CFAP61: variants seen among roughly 807,000 people sequenced by gnomAD.
CFAP61 encodes cilia and flagella associated protein 61, also known as cilia- and flagella-associated protein 61.
A neutral mutation model predicts 135.6 loss-of-function variants in CFAP61; 107 were observed. The observed-to-expected ratio is 0.79, with a 90% CI of 0.67 to 0.93. CFAP61 has a LOEUF of 0.93. Among genes scored for constraint, CFAP61 ranks in the 40% least tolerant of loss-of-function variants. The pLI is 0.00. For missense variants in CFAP61, 1,507 were observed against 1,556.2 expected (o/e 0.97, Z 0.53); for synonymous variants, 575 against 578.5 (o/e 0.99, Z 0.09).
intron 6 of CFAP61, among the ~76,000 whole-genome samples, chr20:20,085,730 G>A (rs1437198092): frequency 6.6e-6 from 1 of 152,126 alleles, no homozygotes; most frequent in Non-Finnish European, 1.5e-5. Flanking sequence ...AAATGATTAG[G>A]TTATTGAATT....
chr20:20,220,787 A>T (rs2048347885), intron 17 of CFAP61, among the ~76,000 whole-genome samples: 1 of 152,258 alleles, frequency 6.6e-6, no homozygotes. Flanking sequence ...ACTGTTTAAT[A>T]GGAAGAATGC....
chr20:20,218,584 C>T (rs1266479347), intron 17 of CFAP61, among the ~76,000 whole-genome samples: 2 of 152,188 alleles, frequency 1.3e-5, no homozygotes, highest in Non-Finnish European at 2.9e-5. Context: ...TCTTTTAACC[C>T]ACTGTATTTT....
intron 15 of CFAP61, among the ~76,000 whole-genome samples, chr20:20,193,558 T>C (rs1224619384): frequency 6.6e-6 from 1 of 152,086 alleles, no homozygotes; most frequent in Non-Finnish European, 1.5e-5. Flanking sequence ...TCATTGGTCC[T>C]CATACTTGTA....
intron 9 of CFAP61, among the ~76,000 whole-genome samples, chr20:20,143,988 AT>A (rs2051641210): frequency 6.6e-6 from 1 of 152,250 alleles, no homozygotes. Flanking sequence ...GGAAAAGCTT[AT>A]GATTTGCAAG....
chr20:20,112,077 AAAAC>A (rs1266096898), intron 8 of CFAP61, among the ~76,000 whole-genome samples: 1 of 152,346 alleles, frequency 6.6e-6, no homozygotes, highest in East Asian at 1.9e-4. Flanking sequence ...ACTTCAGAAT[AAAAC>A]AATAACTATC....
chr20:20,124,062 G>T (rs1295657018), intron 8 of CFAP61, among the ~76,000 whole-genome samples: 1 of 147,656 alleles, frequency 6.8e-6, no homozygotes, highest in African/African-American at 2.5e-5. Context: ...GTGTATAGGA[G>T]AGCTACTGAT....
intron 19 of CFAP61, among the ~76,000 whole-genome samples, chr20:20,250,985 G>A (rs766398445): frequency 2.6e-5 from 4 of 152,224 alleles, no homozygotes; most frequent in Non-Finnish European, 5.9e-5. Context: ...GCCCTGAAGG[G>A]TGAATCCCAA....
At chr20:20,224,360 C>A (rs1022156889) in intron 17 of CFAP61, among the ~76,000 whole-genome samples, 2 of 152,194 alleles carry the variant, frequency 1.3e-5, no homozygotes, top group Admixed American at 6.5e-5. Context: ...CCCCGCCCCG[C>A]AACCCCCAAG....
rs114873214 is a variant in CFAP61 at position 20,166,399 on chromosome 20, C to T, written c.1208C>T (p.Ser403Leu). 1.5e-5 allele frequency: 25 copies of T among 1,613,458 alleles called. No individual in the cohort carries two copies. Among genetic ancestry groups the T allele is most frequent in the Middle Eastern group, 3.3e-4 (2 of 6,060 alleles). Residue 403 changes from serine (S) to leucine (L), a missense_variant and splice_region_variant, in exon 12 of 27, where the codon TCG becomes TTG. Ser to Leu is a moderately radical substitution (Grantham distance 145). Coordinates refer to ENST00000245957, the MANE Select transcript of CFAP61 (RefSeq NM_015585.4). ...FCIDEKYEARSLDFMNFVFSL... is the reference protein window; with the variant it reads ...FCIDEKYEARLLDFMNFVFSL... ...AGTGCTTACTGTCTTGTTTACAGGT[C>T]GCTGGATTTTATGAATTTTGTTTTC...
chr20:20,278,790 T>G (rs1425602895), intron 22 of CFAP61, among the ~76,000 whole-genome samples: 1 of 152,152 alleles, frequency 6.6e-6, no homozygotes, highest in Non-Finnish European at 1.5e-5. Flanking sequence ...GAATCTCTCA[T>G]TTTATCCTGA....
chr20:20,088,426 A>G (rs1053131760), intron 6 of CFAP61, among the ~76,000 whole-genome samples: 25 of 152,180 alleles, frequency 1.6e-4, no homozygotes, highest in Admixed American at 7.2e-4. Context: ...GGGGAAGCAA[A>G]CACATCTTTC....
chr20:20,155,052 G>A (rs1397497396), intron 9 of CFAP61, among the ~76,000 whole-genome samples: 1 of 152,128 alleles, frequency 6.6e-6, no homozygotes, highest in Non-Finnish European at 1.5e-5. Context: ...TACCAAAAAA[G>A]CATGGTACTG....
chr20:20,163,358 G>C (rs542202216), intron 10 of CFAP61, among the ~76,000 whole-genome samples: 1 of 152,082 alleles, frequency 6.6e-6, no homozygotes, highest in Non-Finnish European at 1.5e-5. Context: ...ACCTCCCCAC[G>C]ATAGTTACTC....
intron 25 of CFAP61, among the ~76,000 whole-genome samples, chr20:20,317,313 G>A (rs1569288879): frequency 1.3e-5 from 2 of 152,128 alleles, no homozygotes; most frequent in African/African-American, 4.8e-5. Context: ...ACCCCTGGAG[G>A]GACTGTTCCA....
chr20:20,149,121 A>G (rs1353413934), intron 9 of CFAP61, among the ~76,000 whole-genome samples: 4 of 152,240 alleles, frequency 2.6e-5, no homozygotes, highest in Admixed American at 2.6e-4. Flanking sequence ...CAACAGCAGA[A>G]TATACATTCT....
At position 20,169,356 on chromosome 20, in the gene CFAP61, C is replaced by T. The variant is rs756282986; in HGVS notation, c.1281C>T (p.Leu427=). ...TCTGTGTAATTTCTCTGCCCCATCT[C>T]ACCCCCGAGTTCTTCCTCATCCAGA... ...KNFCVISLPH[L]TPEFFLIQNF... is the part of the protein sequence containing the mutation. Residue 427 remains leucine, a synonymous_variant, in exon 13 of 27, where the codon CTC becomes CTT. Transcript: ENST00000245957. The T allele has an allele frequency of 1.9e-6, 3 of 1,613,902 alleles. No individual in the cohort carries two copies. The highest frequency in any genetic ancestry group is 1.3e-5 in the African/African-American group (1 of 74,988).
chr20:20,355,308 G>C (rs2059052542), intron 26 of CFAP61, among the ~76,000 whole-genome samples: 1 of 136,734 alleles, frequency 7.3e-6, no homozygotes, highest in Non-Finnish European at 1.5e-5. Flanking sequence ...TCACACTGAG[G>C]GGAGGTAGTG....
At chr20:20,308,525 T>G (rs2056617075) in intron 25 of CFAP61, among the ~76,000 whole-genome samples, 1 of 152,140 alleles carries the variant, frequency 6.6e-6, no homozygotes, top group South Asian at 2.1e-4. Context: ...CTGCAGGCCT[T>G]GCAAGGGACA....
At chr20:20,071,814 A>G in intron 3 of CFAP61, among the ~76,000 whole-genome samples, 1 of 152,136 alleles carries the variant, frequency 6.6e-6, no homozygotes, top group East Asian at 1.9e-4. Context: ...CCTTCCCCTC[A>G]TCTTTTGTGT....
Sources: gnomAD v4.1 joint callset for allele counts (sites outside exome capture counted in the v4.1 genomes callset) on GRCh38, gnomAD v4.1.1 for gene constraint, MANE v1.5 for transcripts, NCBI Gene and HGNC (gene_info 2026-07-23, HGNC 2026-07-21) for gene names.